The following SGPP2 variants were observed in gnomAD, a reference collection of about 807,000 sequenced individuals.
SGPP2 encodes sphingosine-1-phosphate phosphatase 2.
SGPP2 carries 30 observed loss-of-function variants against 33.9 expected under a neutral mutation model. The observed-to-expected ratio is 0.89, with a 90% CI of 0.66 to 1.20. The LOEUF (loss-of-function observed/expected upper bound fraction) is 1.20. Ranked by LOEUF, SGPP2 falls within the 50% of genes most tolerant of loss-of-function variation. The pLI is 0.00. For missense variants in SGPP2, 458 were observed against 532.1 expected, an observed-to-expected ratio of 0.86 and a Z score of 1.37; for synonymous variants, 233 against 225.0, an observed-to-expected ratio of 1.04 and a Z score of -0.32.
At chr2:222,435,420 A>G (rs1697224986) in intron 1 of SGPP2, among the ~76,000 whole-genome samples, 2 of 152,164 alleles carry the variant, frequency 1.3e-5, no homozygotes, top group Admixed American at 6.5e-5. Context: ...AGACACACCC[A>G]GGATCAATAC....
intron 2 of SGPP2, among the ~76,000 whole-genome samples, chr2:222,511,576 C>G (rs933073846): frequency 2.0e-5 from 3 of 152,286 alleles, no homozygotes; most frequent in African/African-American, 7.2e-5. Flanking sequence ...TGGAAAGTGG[C>G]CTCTTCAACA....
At chr2:222,458,393 C>A (rs1697604296) in intron 1 of SGPP2, among the ~76,000 whole-genome samples, 1 of 152,126 alleles carries the variant, frequency 6.6e-6, no homozygotes. Flanking sequence ...CCTTAACATT[C>A]CCGTGATAAC....
intron 1 of SGPP2, among the ~76,000 whole-genome samples, chr2:222,473,352 G>A (rs13021671): frequency 0.36 from 53,943 of 151,828 alleles, 9,803 homozygotes; most frequent in East Asian, 0.46. Context: ...TCCTTGACTC[G>A]GGGCCACTCT....
intron 2 of SGPP2, among the ~76,000 whole-genome samples, chr2:222,521,415 T>C (rs2106133526): frequency 6.6e-6 from 1 of 152,336 alleles, no homozygotes. Context: ...TACTCATCTG[T>C]AAAATTGGTC....
At chr2:222,428,949 G>A (rs1047640171) in intron 1 of SGPP2, among the ~76,000 whole-genome samples, 1 of 151,732 alleles carries the variant, frequency 6.6e-6, no homozygotes, top group African/African-American at 2.4e-5. Flanking sequence ...GCACCACCAT[G>A]TCCAGCTAAT....
At chr2:222,450,981 A>C (rs1697477293) in intron 1 of SGPP2, among the ~76,000 whole-genome samples, 1 of 152,170 alleles carries the variant, frequency 6.6e-6, no homozygotes, top group Non-Finnish European at 1.5e-5. Context: ...TATAAACAAC[A>C]ACCTCTTTGT....
At chr2:222,500,401 A>G (rs1698349937) in intron 2 of SGPP2, among the ~76,000 whole-genome samples, 2 of 152,168 alleles carry the variant, frequency 1.3e-5, no homozygotes, top group Non-Finnish European at 2.9e-5. Context: ...AAGTGGGGGT[A>G]TTGTTACAAA....
chr2:222,447,040 A>C (rs1697408815), intron 1 of SGPP2, among the ~76,000 whole-genome samples: 1 of 152,188 alleles, frequency 6.6e-6, no homozygotes, highest in Admixed American at 6.5e-5. Flanking sequence ...ACATTTGTTC[A>C]GCTGCTCCAC....
At chr2:222,475,997 G>A (rs1459878307) in intron 2 of SGPP2, among the ~76,000 whole-genome samples, 3 of 152,166 alleles carry the variant, frequency 2.0e-5, no homozygotes, top group South Asian at 2.1e-4. Context: ...GCATGATAAC[G>A]CATAGTGACT....
intron 1 of SGPP2, among the ~76,000 whole-genome samples, chr2:222,458,904 T>TC (rs1387873755): frequency 6.6e-6 from 1 of 152,152 alleles, no homozygotes; most frequent in African/African-American, 2.4e-5. Context: ...CATGTGTACA[T>TC]ATTAAGTAGG....
intron 4 of SGPP2, among the ~76,000 whole-genome samples, chr2:222,529,299 G>A (rs928283928): frequency 6.6e-6 from 1 of 151,960 alleles, no homozygotes; most frequent in Admixed American, 6.6e-5. Context: ...ACATCTTCAG[G>A]CTCCACATCT....
chr2:222,513,511 TC>T (rs1698560780), intron 2 of SGPP2, among the ~76,000 whole-genome samples: 2 of 152,316 alleles, frequency 1.3e-5, no homozygotes, highest in South Asian at 4.1e-4. Context: ...AGTAGTGGCC[TC>T]CAAAAAGATA....
At chr2:222,435,024 G>GCGTGTATATATA (rs1697215818) in intron 1 of SGPP2, among the ~76,000 whole-genome samples, 2 of 18,642 alleles carry the variant, frequency 1.1e-4, no homozygotes, top group African/African-American at 3.2e-4. Flanking sequence ...ATGTGTATAT[G>GCGTGTATATATA]TGTGTATATA....
At chr2:222,506,292 T>A (rs1698444144) in intron 2 of SGPP2, among the ~76,000 whole-genome samples, 1 of 152,236 alleles carries the variant, frequency 6.6e-6, no homozygotes, top group Non-Finnish European at 1.5e-5. Flanking sequence ...CTGTAAACTT[T>A]GAATAACACT....
chr2:222,446,134 T>G (rs1029442542), intron 1 of SGPP2, among the ~76,000 whole-genome samples: 3 of 152,124 alleles, frequency 2.0e-5, no homozygotes, highest in African/African-American at 7.2e-5. Flanking sequence ...AACCAGTCAT[T>G]GTTAATTTTA....
intron 1 of SGPP2, among the ~76,000 whole-genome samples, chr2:222,461,233 C>T (rs1172209480): frequency 6.6e-6 from 1 of 152,142 alleles, no homozygotes; most frequent in African/African-American, 2.4e-5. Context: ...GACTCCATTT[C>T]CCCTTCCAAA....
At chr2:222,484,048 A>G (rs1448064299) in intron 2 of SGPP2, among the ~76,000 whole-genome samples, 3 of 152,218 alleles carry the variant, frequency 2.0e-5, no homozygotes, top group Non-Finnish European at 4.4e-5. Flanking sequence ...TAGGGGGTTT[A>G]TTATAAAAAC....
chr2:222,461,076 G>A (rs377520700), intron 1 of SGPP2, among the ~76,000 whole-genome samples: 2 of 152,048 alleles, frequency 1.3e-5, no homozygotes, highest in African/African-American at 2.4e-5. Context: ...TCTTTTTACC[G>A]TCTTTCTCTC....
chr2:222,538,589 G>A (rs1402070013), intron 4 of SGPP2, among the ~76,000 whole-genome samples: 1 of 152,144 alleles, frequency 6.6e-6, no homozygotes, highest in Non-Finnish European at 1.5e-5. Context: ...CAATTCAATT[G>A]TATATGAAGC....
Sources: allele counts gnomAD v4.1 joint callset (sites outside exome capture counted in the v4.1 genomes callset), GRCh38; gene constraint gnomAD v4.1.1; transcripts MANE v1.5; gene names NCBI Gene and HGNC (gene_info 2026-07-23, HGNC 2026-07-21).